GCLM: variants seen among roughly 807,000 people sequenced by gnomAD.
The protein encoded by GCLM is glutamate--cysteine ligase regulatory subunit.
A neutral mutation model predicts 36.0 loss-of-function variants in GCLM; 15 were observed. The ratio of observed to expected loss-of-function variants is 0.42; its 90% CI spans 0.28 to 0.64. The LOEUF (loss-of-function observed/expected upper bound fraction) is 0.64, where lower values mean the gene tolerates loss of function less well. GCLM is among the 30% of genes least tolerant of loss of function. The pLI is 0.25. For missense variants in GCLM, 242 were observed against 325.5 expected, an observed-to-expected ratio of 0.74 and a Z score of 1.97; for synonymous variants, 129 against 122.8, an observed-to-expected ratio of 1.05 and a Z score of -0.34.
At chr1:93,902,344 A>G (rs1656984712) in intron 2 of GCLM, among the ~76,000 whole-genome samples, 1 of 151,662 alleles carries the variant, frequency 6.6e-6, no homozygotes, top group Non-Finnish European at 1.5e-5. Context: ...ACGCCTGACT[A>G]ATTTTTTGTA....
rs539101865 is a variant in GCLM at position 93,890,957 on chromosome 1, GCCTCAAA to G, written c.656-1805_656-1799del. ...AGTGGCATGATCACAGCTCACTGCA[GCCTCAAA>G]CTTCTGGGCTCAATGCATCCTTCCA... On this transcript the variant is annotated intron_variant, in intron 6 of 6. Transcript: ENST00000370238. Among the ~76,000 whole-genome samples the G allele has an allele frequency of 2.5e-3, 380 of 151,368 alleles. 1 individual carries two copies. Among genetic ancestry groups the G allele is most frequent in the African/African-American group, 8.7e-3 (358 of 41,216 alleles).
chr1:93,907,384 A>C (rs1657181918), intron 1 of GCLM, among the ~76,000 whole-genome samples: 1 of 152,224 alleles, frequency 6.6e-6, no homozygotes, highest in Non-Finnish European at 1.5e-5. Context: ...AGAAATCAAC[A>C]TTTTAAAAAT....
At position 93,886,062 on chromosome 1, in the gene GCLM, A is replaced by G. The variant is rs191236117; in HGVS notation, c.*2928T>C. The G allele has an allele frequency of 1.4e-4, 21 of 152,298 alleles. No homozygotes were observed. Among genetic ancestry groups the G allele is most frequent in the Admixed American group, 7.2e-4 (11 of 15,300 alleles). The allele number at this position is 152,298 out of a possible 1,614,324, so 9.4% of individuals were successfully genotyped here. On this transcript the variant is annotated 3_prime_UTR_variant, in exon 7 of 7. Coordinates refer to ENST00000370238, the MANE Select transcript of GCLM (RefSeq NM_002061.4). Reference sequence around the variant, plus strand: ...TGGCCATCATAGTATGGTCTTTTACATCATGTGAAAATACTTGTTGCTTTT... The same window carrying G: ...TGGCCATCATAGTATGGTCTTTTACGTCATGTGAAAATACTTGTTGCTTTT...
At chr1:93,889,200 T>C (rs1196649424) in intron 6 of GCLM, 41 bp from the exon 7 acceptor site, 13 of 1,454,006 alleles carry the variant, frequency 8.9e-6, no homozygotes, top group South Asian at 2.8e-5. Context: ...GCGTGTTAAA[T>C]TGGAAAACAA....
At chr1:93,900,287 G>A (rs1656900946) in intron 3 of GCLM, among the ~76,000 whole-genome samples, 1 of 152,018 alleles carries the variant, frequency 6.6e-6, no homozygotes, top group South Asian at 2.1e-4. Flanking sequence ...AGGCTTTTTT[G>A]GATAGGTAGA....
At chr1:93,900,295 A>G (rs1656901684) in intron 3 of GCLM, among the ~76,000 whole-genome samples, 1 of 152,208 alleles carries the variant, frequency 6.6e-6, no homozygotes, top group African/African-American at 2.4e-5. Flanking sequence ...TTGGATAGGT[A>G]GAAAGAGGAA....
Position 93,885,830 on chromosome 1 carries a change from A to G in GCLM, c.*3160T>C, listed in dbSNP as rs150214178. 1 of 152,330 alleles carries G rather than the reference A, an allele frequency of 6.6e-6. No individual in the cohort carries two copies. The highest frequency in any genetic ancestry group is 1.9e-4 in the East Asian group (1 of 5,194). 9.4% of individuals were successfully genotyped at this position (152,330 alleles called of 1,614,324 possible). On this transcript the variant is annotated 3_prime_UTR_variant, in exon 7 of 7. Transcript: ENST00000370238. Reference sequence around the variant, plus strand: ...TCTAGAAAGACAGTGTTAAAGGAGCATAATTAAATGAACCTTAGACCTTTT... The same window carrying G: ...TCTAGAAAGACAGTGTTAAAGGAGCGTAATTAAATGAACCTTAGACCTTTT...
intron 3 of GCLM, among the ~76,000 whole-genome samples, chr1:93,900,547 A>G (rs533785275): frequency 6.6e-6 from 1 of 152,178 alleles, no homozygotes; most frequent in Non-Finnish European, 1.5e-5. Context: ...TTGTATGACA[A>G]CCTTCAAGTT....
chr1:93,889,765 C>A (rs1316673841), intron 6 of GCLM, among the ~76,000 whole-genome samples: 1 of 151,612 alleles, frequency 6.6e-6, no homozygotes, highest in African/African-American at 2.4e-5. Flanking sequence ...GTGAAAAGAT[C>A]ATTTTTAATA....
At chr1:93,907,393 A>G (rs1298015091) in intron 1 of GCLM, among the ~76,000 whole-genome samples, 1 of 152,228 alleles carries the variant, frequency 6.6e-6, no homozygotes, top group African/African-American at 2.4e-5. Flanking sequence ...CATTTTAAAA[A>G]TTAAAATAAA....
At position 93,885,520 on chromosome 1, in the gene GCLM, A is replaced by G. The variant is rs1055231896; in HGVS notation, c.*3470T>C. The G allele has an allele frequency of 2.0e-5, 3 of 152,226 alleles. No homozygotes were observed. The highest frequency in any genetic ancestry group is 4.8e-5 in the African/African-American group (2 of 41,470). The allele number at this position is 152,226 out of a possible 1,614,324, so 9.4% of individuals were successfully genotyped here. The stretch of plus-strand genomic sequence containing the variant: ...TATAAAAATATTAAAGTCATGTTAC[A>G]TATTTTTCAAAAATAAAACTGCCAT... On this transcript the variant is annotated 3_prime_UTR_variant, in exon 7 of 7. Coordinates refer to ENST00000370238, the MANE Select transcript of GCLM (RefSeq NM_002061.4).
intron 6 of GCLM, among the ~76,000 whole-genome samples, chr1:93,889,860 T>G (rs1234263077): frequency 6.6e-6 from 1 of 151,144 alleles, no homozygotes; most frequent in Non-Finnish European, 1.5e-5. Context: ...TTCCTAATAT[T>G]TTGCTAATAA....
At chr1:93,889,257 C>A in intron 6 of GCLM, 98 bp from the exon 7 acceptor site, 1 of 650,454 alleles carries the variant, frequency 1.5e-6, no homozygotes, top group Non-Finnish European at 2.5e-6. Context: ...ACAAAAGAAA[C>A]ACCTCAACAT....
intron 3 of GCLM, among the ~76,000 whole-genome samples, chr1:93,901,173 C>A (rs17884925): frequency 0.013 from 1,918 of 152,184 alleles, 33 homozygotes; most frequent in African/African-American, 0.044. Flanking sequence ...ATGTAACTTG[C>A]CCAGGTTTCT....
chr1:93,909,363 G>T lies in GCLM; in HGVS notation c.-200C>A. 2.0e-6 allele frequency: 2 copies of T among 984,396 alleles called. No homozygotes were observed. Among genetic ancestry groups the T allele is most frequent in the Non-Finnish European group, 2.4e-6 (2 of 820,586 alleles). The allele number at this position is 984,396 out of a possible 1,614,324, so 61.0% of individuals were successfully genotyped here. A position where few individuals can be genotyped will look rare whatever the true frequency, so the allele number is the denominator to read the frequency against. ...CGGCGGCTGGGCGGCGGCGGGAAAGGAAGGCACCGGTGGCTGCGGCTCCGG... is the reference window on the plus strand; with the variant it reads ...CGGCGGCTGGGCGGCGGCGGGAAAGTAAGGCACCGGTGGCTGCGGCTCCGG... On this transcript the variant is annotated 5_prime_UTR_variant, in exon 1 of 7. Coordinates refer to ENST00000370238, the MANE Select transcript of GCLM (RefSeq NM_002061.4).
chr1:93,907,037 A>AC (rs1265240585), intron 1 of GCLM, among the ~76,000 whole-genome samples: 1 of 152,184 alleles, frequency 6.6e-6, no homozygotes, highest in African/African-American at 2.4e-5. Flanking sequence ...TGAACTCTTG[A>AC]CCCAACACGT....
chr1:93,897,752 T>C (rs1656784017), intron 4 of GCLM, 87 bp downstream of exon 4: 2 of 674,346 alleles, frequency 3.0e-6, no homozygotes. Flanking sequence ...ATTTTCTTTT[T>C]ACCTGGACCT....
intron 2 of GCLM, among the ~76,000 whole-genome samples, chr1:93,903,347 C>T (rs982911936): frequency 2.6e-5 from 4 of 151,832 alleles, no homozygotes; most frequent in Admixed American, 2.6e-4. Flanking sequence ...GTCTCACTCT[C>T]TTGCTCAGGC....
At position 93,896,632 on chromosome 1, in the gene GCLM, A is replaced by G. The variant is rs1417150110; in HGVS notation, c.526T>C (p.Tyr176His). 1 of 1,613,872 alleles carries G rather than the reference A, an allele frequency of 6.2e-7. No homozygotes were observed. Among genetic ancestry groups the G allele is most frequent in the Non-Finnish European group, 8.5e-7 (1 of 1,179,730 alleles). The change falls in exon 5 of 7, where the codon TAT becomes CAT. Residue 176 changes from tyrosine to histidine, a missense_variant. Tyr to His is a moderately conservative substitution (Grantham distance 83). Coordinates refer to ENST00000370238, the MANE Select transcript of GCLM (RefSeq NM_002061.4). Reference protein sequence around the residue: ...DLDKTQLEQLYQWAQVKPNSN... With the variant: ...DLDKTQLEQLHQWAQVKPNSN... ...CCATCCCTCACCTGTGCCCACTGAT[A>G]CAGCTGTTCCAACTGTGTTTTGTCT...
Sources: allele counts gnomAD v4.1 joint callset (sites outside exome capture counted in the v4.1 genomes callset), GRCh38; gene constraint gnomAD v4.1.1; transcripts MANE v1.5; gene names NCBI Gene and HGNC (gene_info 2026-07-23, HGNC 2026-07-21).